INVS: variants seen among roughly 807,000 people sequenced by gnomAD.
INVS encodes inversion of embryo turning homolog.
Under a neutral mutation model 108.8 loss-of-function variants are expected in INVS, and 86 were observed. That is an observed-to-expected ratio of 0.79 (90% CI 0.66 to 0.95). The LOEUF (loss-of-function observed/expected upper bound fraction) is 0.95. Among genes scored for constraint, INVS ranks in the 40% least tolerant of loss-of-function variants. The pLI is 0.00. For synonymous variants in INVS, 455 were observed against 473.5 expected, an observed-to-expected ratio of 0.96 and a Z score of 0.51; for missense variants, 1,169 against 1,297.4, an observed-to-expected ratio of 0.90 and a Z score of 1.52.
rs192999778 is a variant in INVS at position 100,224,180 on chromosome 9, T to A, written c.274-1882T>A. The stretch of plus-strand genomic sequence containing the variant: ...GGTGTGGACAAGCTTGCTGTAGAGC[T>A]GCACATTCTTCACAGTAGGTGGTCT... On this transcript the variant is annotated intron_variant, in intron 3 of 16. Coordinates refer to ENST00000262457, the MANE Select transcript of INVS (RefSeq NM_014425.5). Among the ~76,000 whole-genome samples, 259 of 152,354 alleles carry A rather than the reference T, an allele frequency of 1.7e-3. 1 individual carries two copies. Among genetic ancestry groups the A allele is most frequent in the Non-Finnish European group, 1.6e-3 (109 of 68,028 alleles).
intron 3 of INVS, among the ~76,000 whole-genome samples, chr9:100,142,209 G>A (rs1321448928): frequency 2.6e-5 from 4 of 152,132 alleles, no homozygotes; most frequent in Middle Eastern, 3.2e-3. Flanking sequence ...TGTTTAGTGA[G>A]GAAACTTCTT....
intron 5 of INVS, among the ~76,000 whole-genome samples, 185 bp downstream of exon 5, chr9:100,230,012 G>A (rs1296400824): frequency 4.6e-5 from 7 of 152,048 alleles, no homozygotes; most frequent in Non-Finnish European, 1.0e-4. Context: ...ACCACATAGA[G>A]GTTTCCTATG....
intron 2 of INVS, among the ~76,000 whole-genome samples, chr9:100,110,044 A>G (rs971313300): frequency 7.2e-5 from 11 of 152,206 alleles, no homozygotes; most frequent in African/African-American, 2.7e-4. Flanking sequence ...TAGAGGTACT[A>G]TTTCAGGTTA....
At chr9:100,214,306 C>T (rs1450966268) in intron 3 of INVS, among the ~76,000 whole-genome samples, 2 of 152,100 alleles carry the variant, frequency 1.3e-5, no homozygotes, top group Admixed American at 6.5e-5. Context: ...TCTTTGGCCT[C>T]GTTGCAGATA....
intron 3 of INVS, among the ~76,000 whole-genome samples, chr9:100,178,852 G>A (rs1257281840): frequency 2.0e-5 from 3 of 152,086 alleles, no homozygotes; most frequent in African/African-American, 4.8e-5. Flanking sequence ...TTCACCAAGA[G>A]TGAAATGAAG....
At chr9:100,296,855 A>G in intron 14 of INVS, 62 bp from the exon 15 acceptor site, 1 of 1,333,170 alleles carries the variant, frequency 7.5e-7, no homozygotes, top group Non-Finnish European at 1.1e-6. Flanking sequence ...AGAAACCTTA[A>G]GGAAATTTAG....
intron 3 of INVS, among the ~76,000 whole-genome samples, chr9:100,184,520 T>C (rs534540645): frequency 4.4e-4 from 67 of 152,328 alleles, no homozygotes; most frequent in African/African-American, 1.4e-3. Context: ...ATCATTGTAG[T>C]ATTTAACATA....
chr9:100,263,010 A>G (rs1360036613), intron 10 of INVS, among the ~76,000 whole-genome samples: 3 of 152,128 alleles, frequency 2.0e-5, no homozygotes, highest in Non-Finnish European at 2.9e-5. Flanking sequence ...TCAGCCTACG[A>G]AAGTGCTAGG....
rs1830442089 is a variant in INVS at position 100,198,335 on chromosome 9, T to C, written c.274-27727T>C. Among the ~76,000 whole-genome samples the C allele has an allele frequency of 3.9e-5, 5 of 128,356 alleles. No individual in the cohort carries two copies. The South Asian group carries it at 1.5e-3, about 37-fold the overall frequency. The allele number at this position is 128,356 out of a possible 152,430, so 84.2% of individuals were successfully genotyped here. On this transcript the variant is annotated intron_variant, in intron 3 of 16. Transcript: ENST00000262457. ...TTTTTTGGAGACAGTTTCACTCTTC[T>C]TGTGCAGGCTGGAGTGCAACGGTGC...
At chr9:100,193,096 G>T (rs1830272191) in intron 3 of INVS, among the ~76,000 whole-genome samples, 2 of 151,206 alleles carry the variant, frequency 1.3e-5, no homozygotes, top group African/African-American at 4.9e-5. Flanking sequence ...TCCCACCTCA[G>T]CCTCCTGAGT....
chr9:100,144,657 T>C (rs1413315074), intron 3 of INVS, among the ~76,000 whole-genome samples: 1 of 152,048 alleles, frequency 6.6e-6, no homozygotes, highest in Admixed American at 6.6e-5. Flanking sequence ...AACAAAACTG[T>C]AAGCCAGACT....
intron 3 of INVS, chr9:100,176,072 A>G: frequency 2.1e-6 from 1 of 484,876 alleles, no homozygotes; most frequent in African/African-American, 2.0e-5. Context: ...AGTGAAACTG[A>G]TATTACTCAA....
At chr9:100,269,172 A>G (rs753980734) in intron 11 of INVS, among the ~76,000 whole-genome samples, 6 of 152,322 alleles carry the variant, frequency 3.9e-5, no homozygotes, top group Non-Finnish European at 8.8e-5. Flanking sequence ...TCTGCATTCT[A>G]TAGAAACAAT....
intron 3 of INVS, chr9:100,175,533 C>A: frequency 2.7e-6 from 2 of 742,132 alleles, no homozygotes; most frequent in East Asian, 5.1e-5. Context: ...TTACAGCATC[C>A]TGAATCTTAG....
chr9:100,273,068 T>C lies in INVS; in HGVS notation c.1776T>C (p.Ala592=). The C allele has an allele frequency of 6.2e-7, 1 of 1,613,774 alleles. No homozygotes were observed. The highest frequency in any genetic ancestry group is 1.7e-4 in the Middle Eastern group (1 of 6,058). The change falls in exon 12 of 17, where the codon GCT becomes GCC. Residue 592 remains alanine, a synonymous_variant. Coordinates refer to ENST00000262457, the MANE Select transcript of INVS (RefSeq NM_014425.5). ...LMKHEQLRKD[A]AAKKREEENK... is the part of the protein sequence containing the mutation. ...AGCATGAACAGTTGAGAAAAGATGC[T>C]GCTGCCAAGTAAGTATGAGCTACGC...
intron 10 of INVS, among the ~76,000 whole-genome samples, chr9:100,258,836 A>T (rs1832514695): frequency 6.6e-6 from 1 of 152,130 alleles, no homozygotes; most frequent in African/African-American, 2.4e-5. Flanking sequence ...CTACTGGGAG[A>T]TGTCTCCCCG....
intron 10 of INVS, among the ~76,000 whole-genome samples, chr9:100,254,836 G>C (rs1182302805): frequency 6.6e-6 from 1 of 152,212 alleles, no homozygotes; most frequent in South Asian, 2.1e-4. Flanking sequence ...AGTACAGTTT[G>C]AAGTCAGGTA....
At chr9:100,206,818 A>G (rs1465828530) in intron 3 of INVS, among the ~76,000 whole-genome samples, 1 of 151,834 alleles carries the variant, frequency 6.6e-6, no homozygotes, top group Non-Finnish European at 1.5e-5. Context: ...ACAGTTTTTC[A>G]GTCTTTTGTG....
intron 13 of INVS, among the ~76,000 whole-genome samples, chr9:100,290,086 G>GTTT (rs35079684): frequency 1.3e-5 from 2 of 148,890 alleles, no homozygotes. Flanking sequence ...TGTAGTTTTA[G>GTTT]TTTTTTTTTT....
Sources: gnomAD v4.1 joint callset for allele counts (sites outside exome capture counted in the v4.1 genomes callset) on GRCh38, gnomAD v4.1.1 for gene constraint, MANE v1.5 for transcripts, NCBI Gene and HGNC (gene_info 2026-07-23, HGNC 2026-07-21) for gene names.